The following PCDHA5 variants were observed in gnomAD, a reference collection of about 807,000 sequenced individuals.
The protein encoded by PCDHA5 is protocadherin alpha 5.
PCDHA5 carries 43 observed loss-of-function variants against 61.6 expected under a neutral mutation model. The observed-to-expected ratio is 0.70, with a 90% CI of 0.55 to 0.90. The LOEUF is 0.90. Among genes scored for constraint, PCDHA5 ranks in the 40% least tolerant of loss-of-function variants. The pLI, the probability that PCDHA5 is intolerant of heterozygous loss-of-function variation, is 0.00. For missense variants in PCDHA5, 1,298 were observed against 1,222.7 expected (o/e 1.06, Z -0.92); for synonymous variants, 627 against 543.9 (o/e 1.15, Z -2.13).
In PCDHA5 at chr5:140,822,088, C is replaced by G. The variant is rs782227527; in HGVS notation, c.313C>G (p.Leu105Val). The change falls in exon 1 of 4, where the codon CTG becomes GTG. Residue 105 changes from leucine (L) to valine (V), a missense_variant. Transcript: ENST00000529859. ...CRRRAECSIH[L>V]EVIVDRPLQV... ...GCGGAGGGCGGAGTGCAGCATCCAC[C>G]TGGAGGTGATCGTGGACAGGCCGCT... is the stretch of plus-strand genomic sequence containing the variant. 6.2e-7 allele frequency: 1 copy of G among 1,614,256 alleles called. No individual in the cohort carries two copies. Among genetic ancestry groups the G allele is most frequent in the East Asian group, 2.2e-5 (1 of 44,888 alleles).
intron 1 of PCDHA5, chr5:140,828,167 G>T (rs2150151697): frequency 2.5e-6 from 4 of 1,614,056 alleles, no homozygotes; most frequent in Non-Finnish European, 3.4e-6. Context: ...AGCCTGGAAG[G>T]TGGGGAGCGG....
intron 3 of PCDHA5, among the ~76,000 whole-genome samples, chr5:140,995,791 T>C (rs547359105): frequency 1.3e-5 from 2 of 152,266 alleles, no homozygotes; most frequent in South Asian, 4.1e-4. Context: ...TTAAAATTTG[T>C]CTCATGTTAG....
chr5:140,925,671 A>G (rs999903876), intron 1 of PCDHA5, among the ~76,000 whole-genome samples: 5 of 148,178 alleles, frequency 3.4e-5, no homozygotes, highest in African/African-American at 1.2e-4. Flanking sequence ...TAATAATAAT[A>G]ATAATAAAGC....
chr5:140,881,505 CACAT>C (rs2058738073), intron 1 of PCDHA5: 1 of 242,822 alleles, frequency 4.1e-6, no homozygotes, highest in African/African-American at 2.3e-5. Flanking sequence ...TACACACACT[CACAT>C]ACAAAATCCC....
chr5:140,968,614 A>G, intron 1 of PCDHA5: 5 of 1,614,142 alleles, frequency 3.1e-6, no homozygotes, highest in Non-Finnish European at 4.2e-6. Flanking sequence ...ACTCTGGGCA[A>G]AATGCTTGGC....
In PCDHA5 at chr5:140,852,077, T is replaced by C. The variant is rs1291291529; in HGVS notation, c.2352+27950T>C. 28 of 903,448 alleles carry C rather than the reference T, an allele frequency of 3.1e-5. 1 individual carries two copies. The highest frequency in any genetic ancestry group is 3.8e-5 in the Non-Finnish European group (28 of 741,468). The allele number at this position is 903,448 out of a possible 1,614,324, so 56.0% of individuals were successfully genotyped here. ...ATATTTTTCTTTCTCTTTCAGCTAT[T>C]TTATTTAATATTGTGTCAGATATTT... is the stretch of plus-strand genomic sequence containing the variant. On this transcript the variant is annotated intron_variant, in intron 1 of 3. Coordinates refer to ENST00000529859, the MANE Select transcript of PCDHA5 (RefSeq NM_018908.3).
intron 1 of PCDHA5, among the ~76,000 whole-genome samples, chr5:140,901,078 T>TAAA (rs1554189579): frequency 6.6e-6 from 1 of 152,120 alleles, no homozygotes; most frequent in East Asian, 1.9e-4. Flanking sequence ...TTCTATAGAG[T>TAAA]TGTTTGAGCT....
intron 1 of PCDHA5, among the ~76,000 whole-genome samples, chr5:140,914,284 G>T (rs781914384): frequency 9.9e-5 from 15 of 152,022 alleles, no homozygotes; most frequent in Non-Finnish European, 2.1e-4. Flanking sequence ...ATTTATAATT[G>T]TTATATCCTC....
At chr5:140,909,470 C>T (rs566835545) in intron 1 of PCDHA5, among the ~76,000 whole-genome samples, 1 of 152,320 alleles carries the variant, frequency 6.6e-6, no homozygotes, top group African/African-American at 2.4e-5. Flanking sequence ...GTCTTCTTCA[C>T]AGGCTAAATA....
chr5:140,980,252 A>C (rs993133768), intron 2 of PCDHA5, among the ~76,000 whole-genome samples: 6 of 152,188 alleles, frequency 3.9e-5, no homozygotes, highest in African/African-American at 1.4e-4. Context: ...CAATGGGTAA[A>C]AGCATGGTTT....
rs199990641 is a variant in PCDHA5, at chr5:140,966,961, G to C, written c.2353-11988G>C. On this transcript the variant is annotated intron_variant, in intron 1 of 3. Coordinates refer to ENST00000529859, the MANE Select transcript of PCDHA5 (RefSeq NM_018908.3). ...TCGTGGGCAACGTGGCTCGCGCGCT[G>C]GGGCTTGAGCTGCGGCGCTTGGGGC... The C allele has an allele frequency of 8.7e-6, 14 of 1,603,190 alleles. No individual in the cohort carries two copies. The East Asian group carries it at 2.7e-4, about 31-fold the overall frequency.
rs527281567 is a variant in PCDHA5 at position 140,992,060 on chromosome 5, A to T, written c.2500+9497A>T. Among the ~76,000 whole-genome samples the T allele has an allele frequency of 3.3e-3, 484 of 147,642 alleles. 5 individuals are homozygous for T. Among genetic ancestry groups the T allele is most frequent in the South Asian group, 0.015 (69 of 4,700 alleles). On this transcript the variant is annotated intron_variant, in intron 3 of 3. Transcript: ENST00000529859. The stretch of plus-strand genomic sequence containing the variant: ...GTGTGTGTGTGTGTGTGTGTAAGTT[A>T]ATTTCAGTAGAGAATGAGCTAGAGT...
intron 1 of PCDHA5, chr5:140,869,862 A>G: frequency 3.7e-6 from 6 of 1,610,466 alleles, no homozygotes; most frequent in Non-Finnish European, 5.1e-6. Flanking sequence ...GCCTTATGGA[A>G]AATGCTGCTA....
intron 1 of PCDHA5, chr5:140,860,060 G>A (rs1238594068): frequency 2.0e-5 from 3 of 151,870 alleles, no homozygotes; most frequent in Admixed American, 6.6e-5. Context: ...AGGCCAAGGT[G>A]GGAGGATGGT....
At chr5:140,870,543 CGCGGACGCGCAG>C in intron 1 of PCDHA5, 1 of 1,614,114 alleles carries the variant, frequency 6.2e-7, no homozygotes, top group Non-Finnish European at 8.5e-7. Context: ...CGGCGCGGGA[CGCGGACGCGCAG>C]GAGAACGCGC....
chr5:140,969,274 TG>T, intron 1 of PCDHA5: 1 of 1,614,158 alleles, frequency 6.2e-7, no homozygotes, highest in Non-Finnish European at 8.5e-7. Flanking sequence ...CAGGCCAAAG[TG>T]GTCAGAATGC....
intron 1 of PCDHA5, chr5:140,877,370 C>G (rs781905172): frequency 6.2e-7 from 1 of 1,614,004 alleles, no homozygotes; most frequent in Admixed American, 1.7e-5. Context: ...GAGATCAGCA[C>G]GACACGCATC....
chr5:140,836,612 C>T (rs2150265551), intron 1 of PCDHA5: 9 of 1,613,516 alleles, frequency 5.6e-6, no homozygotes, highest in East Asian at 2.2e-5. Flanking sequence ...TGTGCTCCAG[C>T]GCGGTGGGGA....
chr5:140,940,164 A>G (rs2092564000), intron 1 of PCDHA5, among the ~76,000 whole-genome samples: 1 of 152,170 alleles, frequency 6.6e-6, no homozygotes, highest in Non-Finnish European at 1.5e-5. Context: ...TTTGCCTGAA[A>G]TGTCATTCTT....
Sources: allele counts gnomAD v4.1 joint callset (sites outside exome capture counted in the v4.1 genomes callset), GRCh38; gene constraint gnomAD v4.1.1; transcripts MANE v1.5; gene names NCBI Gene and HGNC (gene_info 2026-07-23, HGNC 2026-07-21).